Variants in AFAP1 observed in about 807,000 individuals in gnomAD.
AFAP1 encodes actin filament associated protein 1.
Under a neutral mutation model 93.9 loss-of-function variants are expected in AFAP1, and 75 were observed. That is an observed-to-expected ratio of 0.80 (90% CI 0.66 to 0.97). The LOEUF is 0.97. AFAP1 is among the 50% of genes least tolerant of loss of function. The probability of loss-of-function intolerance (pLI) is 0.00; values close to 1 mark genes in which losing one functional copy is unlikely to be tolerated. For synonymous variants in AFAP1, 517 were observed against 430.7 expected (o/e 1.20, Z -2.48); for missense variants, 1,201 against 1,050.8 (o/e 1.14, Z -1.98).
chr4:7,905,646 C>T (rs1443673892), intron 1 of AFAP1, among the ~76,000 whole-genome samples: 4 of 152,176 alleles, frequency 2.6e-5, no homozygotes, highest in African/African-American at 9.7e-5. Flanking sequence ...GCCTTTCTCT[C>T]ATTTAGGCCA....
In AFAP1 at chr4:7,763,466, A is replaced by G. The variant is rs2240054; in HGVS notation, c.*299T>C. 0.14 allele frequency: 55,193 copies of G among 399,486 alleles called. 5,933 individuals are homozygous for G. Among genetic ancestry groups the G allele is most frequent in the East Asian group, 0.4 (8,085 of 20,106 alleles). 24.7% of individuals were successfully genotyped at this position (399,486 alleles called of 1,614,324 possible). ...TTGGAATCGGTGAAAGCAATGGCCT[A>G]TCTGGTTAGAAAGATGTCACTTCGC... On this transcript the variant is annotated 3_prime_UTR_variant, in exon 18 of 18. Transcript: ENST00000420658.
At chr4:7,879,858 G>GGT (rs1375278427) in intron 1 of AFAP1, among the ~76,000 whole-genome samples, 3 of 151,836 alleles carry the variant, frequency 2.0e-5, no homozygotes, top group Non-Finnish European at 4.4e-5. Flanking sequence ...GAAGAGACAG[G>GGT]GTCTCACTAT....
chr4:7,817,544 T>C (rs929700887), intron 7 of AFAP1, among the ~76,000 whole-genome samples: 5 of 152,112 alleles, frequency 3.3e-5, no homozygotes, highest in African/African-American at 9.7e-5. Context: ...TGAGCCAAGA[T>C]GGTGCCATTG....
At chr4:7,770,790 T>C (rs1715319991) in intron 16 of AFAP1, among the ~76,000 whole-genome samples, 1 of 152,062 alleles carries the variant, frequency 6.6e-6, no homozygotes, top group Non-Finnish European at 1.5e-5. Flanking sequence ...CTCAGAGCAC[T>C]CCTGCCCTGC....
chr4:7,792,648 G>C (rs149039080), intron 11 of AFAP1, among the ~76,000 whole-genome samples: 12 of 152,206 alleles, frequency 7.9e-5, no homozygotes, highest in African/African-American at 2.9e-4. Context: ...TCACTTGTCT[G>C]AGCTGTTCCT....
chr4:7,904,283 C>T (rs767409143), intron 1 of AFAP1, among the ~76,000 whole-genome samples: 2 of 152,066 alleles, frequency 1.3e-5, no homozygotes, highest in Middle Eastern at 3.4e-3. Context: ...AAGAAACAAG[C>T]GGAAACGGCT....
chr4:7,925,248 G>A (rs1265279548), intron 1 of AFAP1, among the ~76,000 whole-genome samples: 1 of 152,192 alleles, frequency 6.6e-6, no homozygotes, highest in Non-Finnish European at 1.5e-5. Flanking sequence ...CAGATTCCAA[G>A]CCTGGAGAGA....
At chr4:7,907,902 T>TA (rs1719507810) in intron 1 of AFAP1, among the ~76,000 whole-genome samples, 1 of 152,186 alleles carries the variant, frequency 6.6e-6, no homozygotes, top group South Asian at 2.1e-4. Flanking sequence ...AGCACCCATT[T>TA]AAAGTTAAGT....
chr4:7,817,716 T>G (rs534960665), intron 7 of AFAP1, among the ~76,000 whole-genome samples: 1 of 151,220 alleles, frequency 6.6e-6, no homozygotes, highest in African/African-American at 2.4e-5. Context: ...TGTTTGTGGC[T>G]TAAGAGTTGT....
At chr4:7,917,456 ACACT>A (rs1283201074) in intron 1 of AFAP1, among the ~76,000 whole-genome samples, 5 of 152,228 alleles carry the variant, frequency 3.3e-5, no homozygotes, top group Non-Finnish European at 5.9e-5. Context: ...CAAAAGAAAC[ACACT>A]CACTTTCTGT....
At chr4:7,798,866 G>T in intron 10 of AFAP1, 2 of 960,618 alleles carry the variant, frequency 2.1e-6, no homozygotes, top group Non-Finnish European at 2.5e-6. Flanking sequence ...CTGGGCACTT[G>T]CCCAGCATCT....
intron 1 of AFAP1, among the ~76,000 whole-genome samples, chr4:7,929,907 C>T (rs896813733): frequency 1.3e-5 from 2 of 152,186 alleles, no homozygotes; most frequent in Admixed American, 6.5e-5. Flanking sequence ...CAGGCCACAA[C>T]GGTCAACTTG....
At chr4:7,872,740 A>G (rs1217092449) in intron 1 of AFAP1, among the ~76,000 whole-genome samples, 1 of 152,126 alleles carries the variant, frequency 6.6e-6, no homozygotes, top group African/African-American at 2.4e-5. Flanking sequence ...TCCTCCTTTC[A>G]GGGAGCCCAC....
In AFAP1 at chr4:7,855,449, C is replaced by T; in HGVS notation, c.334+17G>A. 1.3e-6 allele frequency: 2 copies of T among 1,558,688 alleles called. No homozygotes were observed. The highest frequency in any genetic ancestry group is 1.2e-5 in the South Asian group (1 of 85,158). On this transcript the variant is annotated intron_variant, in intron 4 of 17. Coordinates refer to ENST00000420658, the MANE Select transcript of AFAP1 (RefSeq NM_001134647.2). ...CAATCACAAAGGCAGCATGGCTGGGCAGGGCTGGCCACTCACTTGATGTGA... is the reference window on the plus strand; with the variant it reads ...CAATCACAAAGGCAGCATGGCTGGGTAGGGCTGGCCACTCACTTGATGTGA...
rs747193934 is a variant in AFAP1 at position 7,816,036 on chromosome 4, A to C, written c.886T>G (p.Cys296Gly). 4 of 1,612,660 alleles carry C rather than the reference A, an allele frequency of 2.5e-6. No homozygotes were observed. In the South Asian group the frequency reaches 4.4e-5, roughly 18 times the overall value. ...EGVVENGITT[C>G]NGKEQVKRKK... ...AACTCACCTTGCTCCTTTCCATTACATGTGGTAATTCCATTTTCCACAACA... is the reference window on the plus strand; with the variant it reads ...AACTCACCTTGCTCCTTTCCATTACCTGTGGTAATTCCATTTTCCACAACA... The change falls in exon 8 of 18, where the codon TGT becomes GGT. Residue 296 changes from cysteine (C) to glycine (G), a missense_variant. Transcript: ENST00000420658.
intron 3 of AFAP1, among the ~76,000 whole-genome samples, chr4:7,862,906 G>C (rs1015374487): frequency 1.3e-5 from 2 of 152,142 alleles, no homozygotes; most frequent in African/African-American, 2.4e-5. Flanking sequence ...AAGAAGGGTG[G>C]GGGAGCAGCA....
intron 1 of AFAP1, among the ~76,000 whole-genome samples, chr4:7,912,219 GT>G (rs1044109184): frequency 2.6e-4 from 39 of 152,330 alleles, no homozygotes; most frequent in African/African-American, 9.4e-4. Flanking sequence ...TGTCCGGGCT[GT>G]TTCCAGTTTC....
intron 10 of AFAP1, among the ~76,000 whole-genome samples, chr4:7,797,071 T>TAA (rs1718498129): frequency 6.6e-6 from 1 of 151,320 alleles, no homozygotes; most frequent in African/African-American, 2.4e-5. Flanking sequence ...AAAATAATAA[T>TAA]TAATAATAAT....
intron 6 of AFAP1, 147 bp from the exon 7 acceptor site, chr4:7,819,318 G>T: frequency 1.6e-6 from 1 of 621,246 alleles, no homozygotes; most frequent in Non-Finnish European, 2.6e-6. Context: ...AGCGTGCCAG[G>T]TACTCATTTG....
Sources: allele counts gnomAD v4.1 joint callset (sites outside exome capture counted in the v4.1 genomes callset), GRCh38; gene constraint gnomAD v4.1.1; transcripts MANE v1.5; gene names NCBI Gene and HGNC (gene_info 2026-07-23, HGNC 2026-07-21).